TNR: variants seen among roughly 807,000 people sequenced by gnomAD.
The protein encoded by TNR is tenascin-R.
In TNR, 45 loss-of-function variants were observed where a neutral mutation model predicts 150.4. The observed-to-expected ratio is 0.30, with a 90% CI of 0.24 to 0.38. The LOEUF (loss-of-function observed/expected upper bound fraction) is 0.38, where lower values mean the gene tolerates loss of function less well. TNR is among the 10% of genes least tolerant of loss of function. The pLI, the probability that TNR is intolerant of heterozygous loss-of-function variation, is 1.00. For synonymous variants in TNR, 687 were observed against 678.4 expected (o/e 1.01, Z -0.20); for missense variants, 1,544 against 1,759.1 (o/e 0.88, Z 2.19).
chr1:175,586,072 T>C (rs946575300), intron 1 of TNR, among the ~76,000 whole-genome samples: 4 of 152,182 alleles, frequency 2.6e-5, no homozygotes, highest in African/African-American at 9.7e-5. Context: ...TGGTGTGTCC[T>C]ATGATGAGAT....
intron 1 of TNR, among the ~76,000 whole-genome samples, chr1:175,606,195 T>C (rs902629063): frequency 2.6e-5 from 4 of 152,120 alleles, no homozygotes; most frequent in Admixed American, 6.5e-5. Flanking sequence ...CGCCAAGGTT[T>C]CCTTAACTAC....
At chr1:175,364,954 C>T (rs2102013303) in intron 12 of TNR, 56 bp downstream of exon 12, 1 of 1,532,822 alleles carries the variant, frequency 6.5e-7, no homozygotes, top group Middle Eastern at 2.1e-4. Flanking sequence ...ATTGATTTGT[C>T]AAAGGCTACT....
At chr1:175,385,448 C>T (rs1472925400) in intron 8 of TNR, among the ~76,000 whole-genome samples, 1 of 152,142 alleles carries the variant, frequency 6.6e-6, no homozygotes, top group Non-Finnish European at 1.5e-5. Context: ...TTATGAACTT[C>T]CTGTCTGTGG....
intron 1 of TNR, among the ~76,000 whole-genome samples, chr1:175,679,124 A>G (rs994329002): frequency 6.6e-6 from 1 of 152,230 alleles, no homozygotes; most frequent in Non-Finnish European, 1.5e-5. Context: ...ATATTTTACT[A>G]TTGATAAAGT....
intron 1 of TNR, among the ~76,000 whole-genome samples, chr1:175,541,369 G>A (rs963918274): frequency 6.6e-6 from 1 of 152,160 alleles, no homozygotes. Context: ...AACTCAATTC[G>A]CTCTGTAAAG....
chr1:175,582,384 G>A (rs2102229580), intron 1 of TNR, among the ~76,000 whole-genome samples: 1 of 152,328 alleles, frequency 6.6e-6, no homozygotes, highest in African/African-American at 2.4e-5. Flanking sequence ...AAGGACTCAA[G>A]CATAGAATTT....
intron 1 of TNR, 109 bp from the exon 2 acceptor site, chr1:175,528,478 G>C (rs1659936758): frequency 1.3e-5 from 2 of 152,102 alleles, no homozygotes; most frequent in South Asian, 4.1e-4. Flanking sequence ...TAAATTTGTA[G>C]GTGCACCATG....
chr1:175,609,497 A>G (rs1309576965), intron 1 of TNR, among the ~76,000 whole-genome samples: 5 of 152,160 alleles, frequency 3.3e-5, no homozygotes, highest in African/African-American at 1.2e-4. Context: ...TGTTGCAGAG[A>G]CTAGAGGGTT....
At chr1:175,672,304 A>G (rs1665727774) in intron 1 of TNR, among the ~76,000 whole-genome samples, 1 of 152,148 alleles carries the variant, frequency 6.6e-6, no homozygotes, top group African/African-American at 2.4e-5. Context: ...CCTGTGGCCA[A>G]CATGAACCAG....
At chr1:175,620,928 G>A (rs1663951721) in intron 1 of TNR, among the ~76,000 whole-genome samples, 1 of 152,206 alleles carries the variant, frequency 6.6e-6, no homozygotes, top group Admixed American at 6.5e-5. Context: ...TGCCAGTTGG[G>A]CTGGCCCCTG....
At chr1:175,633,821 T>C (rs1664410194) in intron 1 of TNR, among the ~76,000 whole-genome samples, 1 of 152,082 alleles carries the variant, frequency 6.6e-6, no homozygotes, top group Non-Finnish European at 1.5e-5. Context: ...AAAGGAAGAA[T>C]ATTAGGGAAT....
chr1:175,488,206 C>T (rs912564359), intron 2 of TNR, among the ~76,000 whole-genome samples: 1 of 152,202 alleles, frequency 6.6e-6, no homozygotes, highest in African/African-American at 2.4e-5. Context: ...ACCCCGGAAA[C>T]ATGCACTGCA....
chr1:175,422,520 G>T (rs1654794008), intron 2 of TNR, among the ~76,000 whole-genome samples: 1 of 152,236 alleles, frequency 6.6e-6, no homozygotes, highest in South Asian at 2.1e-4. Flanking sequence ...AACTGCTGCT[G>T]GGAGTGTGTG....
chr1:175,669,705 T>C (rs1665639387), intron 1 of TNR, among the ~76,000 whole-genome samples: 1 of 152,166 alleles, frequency 6.6e-6, no homozygotes, highest in African/African-American at 2.4e-5. Context: ...ACCTCTAAGA[T>C]CTTTCATGCA....
chr1:175,725,021 G>A (rs944473772), intron 1 of TNR, among the ~76,000 whole-genome samples: 3 of 152,226 alleles, frequency 2.0e-5, no homozygotes, highest in African/African-American at 7.2e-5. Flanking sequence ...GGATCATATA[G>A]AGCCTCGTTA....
chr1:175,576,369 T>C (rs1662111060), intron 1 of TNR, among the ~76,000 whole-genome samples: 3 of 152,262 alleles, frequency 2.0e-5, no homozygotes, highest in South Asian at 2.1e-4. Context: ...ATCTATTCAG[T>C]ATTTCCGGGC....
chr1:175,413,535 C>G (rs751894474), intron 2 of TNR, among the ~76,000 whole-genome samples: 4 of 152,212 alleles, frequency 2.6e-5, no homozygotes, highest in African/African-American at 4.8e-5. Flanking sequence ...TCTCCAAAGG[C>G]AACAACTTAG....
intron 2 of TNR, among the ~76,000 whole-genome samples, chr1:175,414,307 G>T (rs1389416300): frequency 6.6e-6 from 1 of 152,026 alleles, no homozygotes; most frequent in Non-Finnish European, 1.5e-5. Flanking sequence ...GAAGGTGGAG[G>T]AGAAAAAAAA....
chr1:175,359,365 T>C (rs1367727572), intron 15 of TNR, among the ~76,000 whole-genome samples: 1 of 151,886 alleles, frequency 6.6e-6, no homozygotes, highest in East Asian at 1.9e-4. Flanking sequence ...AGGCTGGTCT[T>C]GAACTCCTTA....
Sources: allele counts gnomAD v4.1 joint callset (sites outside exome capture counted in the v4.1 genomes callset), GRCh38; gene constraint gnomAD v4.1.1; transcripts MANE v1.5; gene names NCBI Gene and HGNC (gene_info 2026-07-23, HGNC 2026-07-21).